Variants in SARAF observed in about 807,000 individuals in gnomAD.
The protein encoded by SARAF is store-operated calcium entry associated regulatory factor.
Under a neutral mutation model 39.7 loss-of-function variants are expected in SARAF, and 23 were observed. That is an observed-to-expected ratio of 0.58 (90% confidence interval 0.42 to 0.82). The LOEUF (loss-of-function observed/expected upper bound fraction) is 0.82. SARAF is among the 40% of genes least tolerant of loss of function. SARAF has a pLI of 0.00. For missense variants in SARAF, 384 were observed against 418.5 expected (o/e 0.92, Z 0.72); for synonymous variants, 175 against 168.5 (o/e 1.04, Z -0.30).
chr8:30,078,955 G>A (rs141980319), intron 1 of SARAF, among the ~76,000 whole-genome samples: 3 of 151,954 alleles, frequency 2.0e-5, no homozygotes, highest in Admixed American at 6.6e-5. Flanking sequence ...TCAGGAGTTC[G>A]AGATCAGCCT....
chr8:30,063,876 C>T lies in SARAF; in HGVS notation c.*12G>A. Reference sequence around the variant, plus strand: ...AATTTCTGCATCCAGTGTTTGACTCCAACTTTCTACTTTATCGTCTCCTGG... The same window carrying T: ...AATTTCTGCATCCAGTGTTTGACTCTAACTTTCTACTTTATCGTCTCCTGG... On this transcript the variant is annotated 3_prime_UTR_variant, in exon 6 of 6. Transcript: ENST00000256255. The T allele has an allele frequency of 6.2e-7, 1 of 1,612,798 alleles. No homozygotes were observed. Among genetic ancestry groups the T allele is most frequent in the South Asian group, 1.1e-5 (1 of 90,922 alleles).
intron 1 of SARAF, among the ~76,000 whole-genome samples, chr8:30,081,355 CCTTT>C (rs1338207867): frequency 8.5e-5 from 13 of 152,094 alleles, no homozygotes; most frequent in Admixed American, 1.3e-4. Flanking sequence ...CTGTAAACTT[CCTTT>C]ATTAAATTTA....
Position 30,082,907 on chromosome 8 carries a change from GC to G in SARAF, c.42del (p.Leu14PhefsTer10). Reference protein sequence around the residue: ...ACGPGAAGYCLLLGLHLFLLT... With the variant: ...ACGPGAAGYCXLLGLHLFLLT... ...AGCAGAAACAAATGCAAGCCGAGGA[GC>G]AAGCAGTACCCGGCCGCTCCCGGCC... On this transcript the variant is annotated frameshift_variant, in exon 1 of 6. Coordinates refer to ENST00000256255, the MANE Select transcript of SARAF (RefSeq NM_016127.6). LOFTEE classifies it high-confidence loss of function. 6.4e-7 allele frequency: 1 copy of G among 1,560,878 alleles called. No individual in the cohort carries two copies. The highest frequency in any genetic ancestry group is 8.7e-7 in the Non-Finnish European group (1 of 1,154,124).
At chr8:30,066,699 A>T in intron 4 of SARAF, 78 bp downstream of exon 4, 1 of 1,544,876 alleles carries the variant, frequency 6.5e-7, no homozygotes, top group South Asian at 1.2e-5. Flanking sequence ...TTCCTTAGCA[A>T]AACTAAATGC....
rs372909568 is a variant in SARAF at position 30,072,019 on chromosome 8, T to C, written c.282+1858A>G. On this transcript the variant is annotated intron_variant, in intron 2 of 5. Coordinates refer to ENST00000256255, the MANE Select transcript of SARAF (RefSeq NM_016127.6). ...ACATGGTAACTCTACATTTAAACTT[T>C]TGAGGAACTGCCAATTTTCCAAAGC... Among the ~76,000 whole-genome samples the C allele has an allele frequency of 7.2e-5, 11 of 152,194 alleles. No homozygotes were observed. In the East Asian group the frequency reaches 1.5e-3, roughly 21 times the overall value.
intron 2 of SARAF, 129 bp downstream of exon 2, chr8:30,073,748 T>A (rs958727875): frequency 2.4e-5 from 16 of 674,580 alleles, no homozygotes; most frequent in African/African-American, 3.7e-5. Flanking sequence ...GAGTGATTGA[T>A]TTACTTACAT....
chr8:30,070,743 A>G (rs1038640695), intron 2 of SARAF, among the ~76,000 whole-genome samples: 1 of 152,198 alleles, frequency 6.6e-6, no homozygotes, highest in African/African-American at 2.4e-5. Context: ...AGATTTCTTA[A>G]AAGATGTTAA....
chr8:30,066,765 C>T lies in SARAF; in HGVS notation c.842+12G>A. 1 of 1,547,442 alleles carries T rather than the reference C, an allele frequency of 6.5e-7. No individual in the cohort carries two copies. The highest frequency in any genetic ancestry group is 8.8e-7 in the Non-Finnish European group (1 of 1,130,670). On this transcript the variant is annotated intron_variant, in intron 4 of 5. Transcript: ENST00000256255. ...AATTAAAGAGCAAGTGAGATCAATGCAAAAAGCTTACCTATTGCTGCCAAA... is the reference window on the plus strand; with the variant it reads ...AATTAAAGAGCAAGTGAGATCAATGTAAAAAGCTTACCTATTGCTGCCAAA...
intron 3 of SARAF, 62 bp downstream of exon 3, chr8:30,069,580 C>G: frequency 2.0e-6 from 3 of 1,472,014 alleles, no homozygotes; most frequent in Non-Finnish European, 2.7e-6. Flanking sequence ...ATTTCAGAAC[C>G]AAGCACAGGA....
chr8:30,068,431 T>C (rs1268698018), intron 3 of SARAF, among the ~76,000 whole-genome samples: 3 of 152,192 alleles, frequency 2.0e-5, no homozygotes, highest in African/African-American at 7.2e-5. Context: ...GAAAACAAGC[T>C]CAGGGCTCCC....
In SARAF at chr8:30,063,762, A is replaced by G. The variant is rs1234497771; in HGVS notation, c.*126T>C. On this transcript the variant is annotated 3_prime_UTR_variant, in exon 6 of 6. Coordinates refer to ENST00000256255, the MANE Select transcript of SARAF (RefSeq NM_016127.6). Reference sequence around the variant, plus strand: ...TAGAATACAAAAAGCTACACTGGACATAACACCACAGAACTTTTGAATATC... The same window carrying G: ...TAGAATACAAAAAGCTACACTGGACGTAACACCACAGAACTTTTGAATATC... 3.7e-6 allele frequency: 3 copies of G among 820,374 alleles called. No individual in the cohort carries two copies. Among genetic ancestry groups the G allele is most frequent in the South Asian group, 1.5e-5 (1 of 68,854 alleles). The allele number at this position is 820,374 out of a possible 1,614,324, so 50.8% of individuals were successfully genotyped here.
At chr8:30,079,464 AACT>A (rs1802051654) in intron 1 of SARAF, among the ~76,000 whole-genome samples, 1 of 152,336 alleles carries the variant, frequency 6.6e-6, no homozygotes, top group South Asian at 2.1e-4. Flanking sequence ...ATTAAACACA[AACT>A]ACTACCTCCT....
intron 3 of SARAF, among the ~76,000 whole-genome samples, chr8:30,069,332 G>A (rs769191854): frequency 2.6e-5 from 4 of 151,770 alleles, no homozygotes; most frequent in African/African-American, 7.3e-5. Flanking sequence ...TAAGAACGGC[G>A]TTTTACCATC....
intron 2 of SARAF, among the ~76,000 whole-genome samples, chr8:30,072,703 T>C (rs1801875027): frequency 6.6e-6 from 1 of 152,232 alleles, no homozygotes; most frequent in South Asian, 2.1e-4. Flanking sequence ...AGCCAATGTA[T>C]GATATGCTCA....
rs1245754581 is a variant in SARAF, at chr8:30,075,990, ACAAAAAAAAAAAAAC to A, written c.104-1950_104-1936del. On this transcript the variant is annotated intron_variant, in intron 1 of 5. Transcript: ENST00000256255. The stretch of plus-strand genomic sequence containing the variant: ...TACATAACAGAATCCCTAAAAAAAA[ACAAAAAAAAAAAAAC>A]AAAAAACGGGAAATGGCAGCTCTGG... Among the ~76,000 whole-genome samples, 26 of 91,216 alleles carry A rather than the reference ACAAAAAAAAAAAAAC, an allele frequency of 2.9e-4. 3 individuals are homozygous for A. The highest frequency in any genetic ancestry group is 0.011 in the Middle Eastern group (1 of 92). The allele number at this position is 91,216 out of a possible 152,430, so 59.8% of individuals were successfully genotyped here.
intron 5 of SARAF, among the ~76,000 whole-genome samples, chr8:30,064,534 C>CATATATATAT (rs71204255): frequency 1.2e-4 from 9 of 78,226 alleles, no homozygotes; most frequent in African/African-American, 2.8e-4. Flanking sequence ...CTTACCTAGC[C>CATATATATAT]ATATATATAT....
chr8:30,069,737 G>C lies in SARAF; in HGVS notation c.605C>G (p.Pro202Arg). 4 of 1,614,026 alleles carry C rather than the reference G, an allele frequency of 2.5e-6. No individual in the cohort carries two copies. Among genetic ancestry groups the C allele is most frequent in the Non-Finnish European group, 3.4e-6 (4 of 1,179,986 alleles). ...LFLSDGQYSP[P>R]PYSEYPPFSH... Reference sequence around the variant, plus strand: ...AAATGGAGGATACTCAGAGTACGGTGGAGGAGAATACTGCCCGTCACTCAG... The same window carrying C: ...AAATGGAGGATACTCAGAGTACGGTCGAGGAGAATACTGCCCGTCACTCAG... Residue 202 changes from proline to arginine, a missense_variant, in exon 3 of 6, where the codon CCA becomes CGA. By Grantham distance (103) the Pro-to-Arg change is moderately radical. Coordinates refer to ENST00000256255, the MANE Select transcript of SARAF (RefSeq NM_016127.6).
Position 30,078,150 on chromosome 8 carries a change from A to AAAG in SARAF, c.104-4096_104-4095insCTT, listed in dbSNP as rs796340643. 987 of 350,040 alleles carry AAAG rather than the reference A, an allele frequency of 2.8e-3. 33 individuals carry two copies. Among genetic ancestry groups the AAAG allele is most frequent in the African/African-American group, 0.021 (911 of 43,374 alleles). 21.7% of individuals were successfully genotyped at this position (350,040 alleles called of 1,614,324 possible). On this transcript the variant is annotated intron_variant, in intron 1 of 5. Coordinates refer to ENST00000256255, the MANE Select transcript of SARAF (RefSeq NM_016127.6). Reference sequence around the variant, plus strand: ...GCTAGACTCCGTCTCAAAAAAAAAAAAAAGAAAGAAAGAAAAAAGACAGTA... The same window carrying AAAG: ...GCTAGACTCCGTCTCAAAAAAAAAAAAAGAAAGAAAGAAAGAAAAAAGACAGTA...
intron 3 of SARAF, among the ~76,000 whole-genome samples, 153 bp downstream of exon 3, chr8:30,069,489 C>T (rs748580124): frequency 1.3e-5 from 2 of 151,926 alleles, no homozygotes; most frequent in Non-Finnish European, 2.9e-5. Flanking sequence ...GAGAGCCAAA[C>T]AGAAGAGGTA....
Sources: allele counts gnomAD v4.1 joint callset (sites outside exome capture counted in the v4.1 genomes callset), GRCh38; gene constraint gnomAD v4.1.1; transcripts MANE v1.5; gene names NCBI Gene and HGNC (gene_info 2026-07-23, HGNC 2026-07-21).